The following NRG3 variants were observed in gnomAD, a reference collection of about 807,000 sequenced individuals.
The protein encoded by NRG3 is pro-neuregulin-3, membrane-bound isoform.
Under a neutral mutation model 66.9 loss-of-function variants are expected in NRG3, and 31 were observed. The observed-to-expected ratio is 0.46, with a 90% CI of 0.35 to 0.63. The LOEUF is 0.63. NRG3 is among the 20% of genes least tolerant of loss of function. The pLI is 0.00. For synonymous variants in NRG3, 393 were observed against 359.4 expected, an observed-to-expected ratio of 1.09 and a Z score of -1.06; for missense variants, 910 against 878.9, an observed-to-expected ratio of 1.04 and a Z score of -0.45.
chr10:82,371,950 T>G lies in NRG3; in HGVS notation c.953+13082T>G, dbSNP rs980162655. Among the ~76,000 whole-genome samples, 6 of 152,148 alleles carry G rather than the reference T, an allele frequency of 3.9e-5. No individual in the cohort carries two copies. In the South Asian group the frequency reaches 6.2e-4, roughly 16 times the overall value. On this transcript the variant is annotated intron_variant, in intron 2 of 8. Coordinates refer to ENST00000372141, the MANE Select transcript of NRG3 (RefSeq NM_001010848.4). ...ACTCAAATACCTCCCAATAGGCCCC[T>G]CCTCCCAACACCCCCACAATGGGGG...
intron 2 of NRG3, among the ~76,000 whole-genome samples, chr10:82,431,543 C>T (rs1373605735): frequency 6.6e-6 from 1 of 152,082 alleles, no homozygotes; most frequent in Non-Finnish European, 1.5e-5. Context: ...AATTATTTGT[C>T]AGTGTTCTAA....
chr10:82,497,338 C>T (rs17100122), intron 2 of NRG3, among the ~76,000 whole-genome samples: 6 of 152,168 alleles, frequency 3.9e-5, no homozygotes, highest in Admixed American at 6.5e-5. Flanking sequence ...GTGGTGCACA[C>T]TTATACAAAA....
At chr10:81,916,194 A>G (rs777346307) in intron 1 of NRG3, among the ~76,000 whole-genome samples, 34 of 152,120 alleles carry the variant, frequency 2.2e-4, no homozygotes, top group Non-Finnish European at 4.4e-4. Flanking sequence ...AGTGGGGACC[A>G]TGTTGGACAG....
chr10:82,377,639 A>C (rs561625650), intron 2 of NRG3, among the ~76,000 whole-genome samples: 1 of 152,318 alleles, frequency 6.6e-6, no homozygotes, highest in South Asian at 2.1e-4. Context: ...AGGGACACCA[A>C]GAGCACAAAG....
intron 1 of NRG3, among the ~76,000 whole-genome samples, chr10:82,038,101 A>G (rs1405582797): frequency 6.6e-6 from 1 of 152,142 alleles, no homozygotes; most frequent in Non-Finnish European, 1.5e-5. Flanking sequence ...TCATTATGGG[A>G]TACCCAAGAG....
chr10:82,499,168 T>C (rs1843910865), intron 2 of NRG3, among the ~76,000 whole-genome samples: 1 of 152,144 alleles, frequency 6.6e-6, no homozygotes, highest in Admixed American at 6.5e-5. Flanking sequence ...AATTCTCTTT[T>C]TTAGGCAAAC....
intron 4 of NRG3, among the ~76,000 whole-genome samples, chr10:82,920,549 C>T (rs1449786427): frequency 3.3e-5 from 5 of 152,126 alleles, no homozygotes; most frequent in African/African-American, 1.2e-4. Context: ...GAAGCAACGA[C>T]ACCCCAGTAT....
chr10:82,588,640 C>A (rs1285463451), intron 2 of NRG3, among the ~76,000 whole-genome samples: 1 of 151,946 alleles, frequency 6.6e-6, no homozygotes, highest in East Asian at 1.9e-4. Flanking sequence ...GTAGCTGGGA[C>A]CACAGGTGCC....
chr10:82,224,200 G>A (rs952037731), intron 1 of NRG3: 1 of 152,148 alleles, frequency 6.6e-6, no homozygotes, highest in Middle Eastern at 3.2e-3. Flanking sequence ...ACTTACAACA[G>A]AGCCTGGATT....
intron 1 of NRG3, among the ~76,000 whole-genome samples, chr10:82,354,847 T>C (rs2083675834): frequency 6.6e-6 from 1 of 152,048 alleles, no homozygotes; most frequent in Non-Finnish European, 1.5e-5. Context: ...CTGATGGATG[T>C]GGAGAGAATG....
At chr10:82,932,950 G>C (rs1017428246) in intron 4 of NRG3, among the ~76,000 whole-genome samples, 2 of 151,870 alleles carry the variant, frequency 1.3e-5, no homozygotes, top group Non-Finnish European at 2.9e-5. Context: ...TTTCCAATCT[G>C]TTCTTCACTC....
intron 2 of NRG3, among the ~76,000 whole-genome samples, chr10:82,639,205 G>T (rs2050400582): frequency 6.6e-6 from 1 of 152,180 alleles, no homozygotes; most frequent in African/African-American, 2.4e-5. Flanking sequence ...CACAGTTGTG[G>T]AGGTTGGAAA....
chr10:82,840,095 T>C (rs868347169), intron 3 of NRG3, among the ~76,000 whole-genome samples: 3 of 152,168 alleles, frequency 2.0e-5, no homozygotes, highest in Non-Finnish European at 4.4e-5. Flanking sequence ...TATATCTGTA[T>C]AAAAAACAAG....
chr10:82,741,788 A>C (rs2058435639), intron 3 of NRG3, among the ~76,000 whole-genome samples: 1 of 151,572 alleles, frequency 6.6e-6, no homozygotes, highest in African/African-American at 2.4e-5. Flanking sequence ...CTCCCCTAGA[A>C]CCCTCCCTTC....
At chr10:82,414,973 C>A (rs2088428269) in intron 2 of NRG3, among the ~76,000 whole-genome samples, 1 of 152,172 alleles carries the variant, frequency 6.6e-6, no homozygotes, top group South Asian at 2.1e-4. Context: ...AGGATAATCT[C>A]TTTTATTTAA....
chr10:82,814,648 A>T (rs1393766481), intron 3 of NRG3, among the ~76,000 whole-genome samples: 1 of 152,178 alleles, frequency 6.6e-6, no homozygotes, highest in Non-Finnish European at 1.5e-5. Context: ...AGAGAGAATT[A>T]TTTTTTGAGT....
At chr10:81,923,271 T>A (rs1846430727) in intron 1 of NRG3, among the ~76,000 whole-genome samples, 1 of 152,194 alleles carries the variant, frequency 6.6e-6, no homozygotes, top group Non-Finnish European at 1.5e-5. Context: ...GGTGGCGCGA[T>A]CTCGGCTCAC....
rs149953667 is a variant in NRG3 at position 82,207,954 on chromosome 10, G to T, written c.824-150785G>T. On this transcript the variant is annotated intron_variant, in intron 1 of 8. Coordinates refer to ENST00000372141, the MANE Select transcript of NRG3 (RefSeq NM_001010848.4). ...CAGCCAAACCATATTACTGTGTAAAGAACTTACCACTTTTAAGAATAGTTA... is the reference window on the plus strand; with the variant it reads ...CAGCCAAACCATATTACTGTGTAAATAACTTACCACTTTTAAGAATAGTTA... 3.7e-3 allele frequency among the ~76,000 whole-genome samples: 566 copies of T among 152,222 alleles called. 6 individuals carry two copies. The highest frequency in any genetic ancestry group is 0.013 in the African/African-American group (533 of 41,534).
intron 1 of NRG3, among the ~76,000 whole-genome samples, chr10:82,261,533 A>C (rs890490199): frequency 6.6e-6 from 1 of 152,204 alleles, no homozygotes; most frequent in Non-Finnish European, 1.5e-5. Flanking sequence ...ACAGAAATAT[A>C]GAGTGTGGAG....
Sources: allele counts gnomAD v4.1 joint callset (sites outside exome capture counted in the v4.1 genomes callset), GRCh38; gene constraint gnomAD v4.1.1; transcripts MANE v1.5; gene names NCBI Gene and HGNC (gene_info 2026-07-23, HGNC 2026-07-21).